The following NEMP2 variants were observed in gnomAD, a reference collection of about 807,000 sequenced individuals.
The protein encoded by NEMP2 is UPF0571 transmembrane protein.
A neutral mutation model predicts 54.2 loss-of-function variants in NEMP2; 53 were observed. The ratio of observed to expected loss-of-function variants is 0.98; its 90% CI spans 0.78 to 1.23. The LOEUF is 1.23. Ranked by LOEUF, NEMP2 falls within the 50% of genes most tolerant of loss-of-function variation. The pLI is 0.00. For synonymous variants in NEMP2, 197 were observed against 190.3 expected, an observed-to-expected ratio of 1.04 and a Z score of -0.29; for missense variants, 455 against 511.3, an observed-to-expected ratio of 0.89 and a Z score of 1.06.
chr2:190,511,859 C>T (rs572244514), intron 7 of NEMP2, among the ~76,000 whole-genome samples: 2 of 151,382 alleles, frequency 1.3e-5, no homozygotes, highest in South Asian at 4.2e-4. Context: ...CGGCCTAAAA[C>T]ATTTGTTTTA....
the NEMP2 span, among the ~76,000 whole-genome samples, chr2:190,482,246 T>A: frequency 1.3e-5 from 2 of 152,180 alleles, no homozygotes; most frequent in Admixed American, 1.3e-4. Flanking sequence ...TTCATTGGAC[T>A]TTGTGTGAGC....
chr2:190,534,237 A>T, intron 1 of NEMP2: 1 of 1,097,480 alleles, frequency 9.1e-7, no homozygotes. Flanking sequence ...GCCAGTGACA[A>T]GCTGTGTGAC....
At chr2:190,497,507 G>A in the NEMP2 span, 1 of 1,614,130 alleles carries the variant, frequency 6.2e-7, no homozygotes, top group African/African-American at 1.3e-5. This position sits in a 1 kb window ranked among gnomAD's most constrained non-coding sequence, Gnocchi z 5.2. Context: ...CATCGACTTG[G>A]TACAGCAACA....
chr2:190,517,449 T>C (rs1690600581), intron 5 of NEMP2, 71 bp downstream of exon 5: 1 of 1,092,918 alleles, frequency 9.1e-7, no homozygotes, highest in Admixed American at 2.5e-5. Context: ...TGTGAATTAA[T>C]TTTGATTAAT....
At chr2:190,455,401 CCTT>C in the NEMP2 span, among the ~76,000 whole-genome samples, 1 of 152,150 alleles carries the variant, frequency 6.6e-6, no homozygotes, top group African/African-American at 2.4e-5. Context: ...AAAGAAAGCA[CCTT>C]CTAAATTTCC....
chr2:190,636,071 C>T, the NEMP2 span, among the ~76,000 whole-genome samples: 1 of 152,184 alleles, frequency 6.6e-6, no homozygotes, highest in South Asian at 2.1e-4. Flanking sequence ...CATTATATTG[C>T]TCAGGCTAGT....
intron 6 of NEMP2, among the ~76,000 whole-genome samples, chr2:190,515,085 C>T (rs138280440): frequency 2.6e-5 from 4 of 152,142 alleles, no homozygotes; most frequent in Admixed American, 6.5e-5. Flanking sequence ...GAGTCACCCT[C>T]TGAATCCAAT....
chr2:190,605,397 G>GTCTC, the NEMP2 span, among the ~76,000 whole-genome samples: 1 of 150,940 alleles, frequency 6.6e-6, no homozygotes, highest in African/African-American at 2.4e-5. Flanking sequence ...TTGAGATGGA[G>GTCTC]TCTCGCTCGC....
the NEMP2 span, among the ~76,000 whole-genome samples, chr2:190,485,837 GAAAC>G: frequency 6.6e-6 from 1 of 151,468 alleles, no homozygotes; most frequent in Non-Finnish European, 1.5e-5. This position sits in a 1 kb window ranked among gnomAD's most constrained non-coding sequence, Gnocchi z 5.1. Flanking sequence ...AATGATGACT[GAAAC>G]ATATATAAAA....
the NEMP2 span, among the ~76,000 whole-genome samples, chr2:190,482,265 A>G: frequency 6.6e-6 from 1 of 152,218 alleles, no homozygotes; most frequent in East Asian, 1.9e-4. Flanking sequence ...GCAAGAAAAG[A>G]AAACATTTAA....
At chr2:190,635,723 A>G in the NEMP2 span, among the ~76,000 whole-genome samples, 10,049 of 152,080 alleles carry the variant, frequency 0.066, 1,083 homozygotes, top group African/African-American at 0.23. This position sits in a 1 kb window ranked among gnomAD's most constrained non-coding sequence, Gnocchi z 4.1. Context: ...CTCCTTGGGC[A>G]CAGGTAAGAG....
the NEMP2 span, among the ~76,000 whole-genome samples, chr2:190,612,948 A>G: frequency 3.2e-5 from 3 of 94,398 alleles, no homozygotes; most frequent in Non-Finnish European, 9.5e-5. Flanking sequence ...ATAATGAAAT[A>G]TCTGTTGTTT....
the NEMP2 span, among the ~76,000 whole-genome samples, chr2:190,592,876 AT>A: frequency 1.3e-5 from 2 of 152,182 alleles, no homozygotes; most frequent in African/African-American, 4.8e-5. The surrounding 1 kb of genome is among the most constrained non-coding windows in gnomAD (Gnocchi z 4.4). Flanking sequence ...ATTAAGAGTA[AT>A]TAATTCAAAA....
chr2:190,571,361 G>T, the NEMP2 span, among the ~76,000 whole-genome samples: 14 of 152,170 alleles, frequency 9.2e-5, no homozygotes, highest in Non-Finnish European at 1.9e-4. Flanking sequence ...TGGCCAACAT[G>T]GTGAAACACT....
At position 190,519,080 on chromosome 2, in the gene NEMP2, T is replaced by C. The variant is rs1413280262; in HGVS notation, c.317A>G (p.His106Arg). The C allele has an allele frequency of 1.9e-6, 3 of 1,550,926 alleles. No homozygotes were observed. Among genetic ancestry groups the C allele is most frequent in the Admixed American group, 2.0e-5 (1 of 51,008 alleles). The change falls in exon 3 of 9, where the codon CAT becomes CGT. Residue 106 changes from histidine (H) to arginine (R), a missense_variant. Physicochemically the swap from His to Arg is conservative, Grantham distance 29 (BLOSUM62 0). This residue lies in a region of NEMP2 where 61 missense variants were observed against 97.5 expected (regional missense o/e 0.63). Coordinates refer to ENST00000409150, the MANE Select transcript of NEMP2 (RefSeq NM_001142645.2). This position sits in a 1 kb window ranked among gnomAD's most constrained non-coding sequence, Gnocchi z 5.4. ...NILSFIKCVI[H>R]NFWIPKESNE... Reference sequence around the variant, plus strand: ...AGATTCCTTTGGTATCCAAAAGTTATGAATCACACATTTGATAAAAGATAG... The same window carrying C: ...AGATTCCTTTGGTATCCAAAAGTTACGAATCACACATTTGATAAAAGATAG...
the NEMP2 span, among the ~76,000 whole-genome samples, chr2:190,482,038 C>T: frequency 5.5e-5 from 8 of 145,436 alleles, no homozygotes; most frequent in Middle Eastern, 3.5e-3. Flanking sequence ...TTCTGGCCAG[C>T]GGAATAAAAG....
the NEMP2 span, among the ~76,000 whole-genome samples, chr2:190,616,674 G>A: frequency 6.6e-6 from 1 of 152,026 alleles, no homozygotes; most frequent in African/African-American, 2.4e-5. This position sits in a 1 kb window ranked among gnomAD's most constrained non-coding sequence, Gnocchi z 5.1. Flanking sequence ...CTTCCCTTGG[G>A]GCTCACAGAT....
chr2:190,630,639 A>T, the NEMP2 span, among the ~76,000 whole-genome samples: 2 of 152,230 alleles, frequency 1.3e-5, no homozygotes, highest in African/African-American at 4.8e-5. This position sits in a 1 kb window ranked among gnomAD's most constrained non-coding sequence, Gnocchi z 5.5. Flanking sequence ...AATGTGAAAA[A>T]GACTACATTG....
At chr2:190,476,943 C>G in the NEMP2 span, among the ~76,000 whole-genome samples, 1 of 150,988 alleles carries the variant, frequency 6.6e-6, no homozygotes, top group African/African-American at 2.4e-5. Flanking sequence ...TCTCAGCAAA[C>G]TATTGTAAGG....
Sources: gnomAD v4.1 joint callset for allele counts (sites outside exome capture counted in the v4.1 genomes callset) on GRCh38, gnomAD v4.1.1 for gene constraint, gnomAD v4.1.1 regional missense constraint, Gnocchi (gnomAD v3.1) non-coding constraint, MANE v1.5 for transcripts, NCBI Gene and HGNC (gene_info 2026-07-23, HGNC 2026-07-21) for gene names.